The following MYO18A variants were observed in gnomAD, a reference collection of about 807,000 sequenced individuals.
MYO18A encodes the protein unconventional myosin-XVIIIa.
A neutral mutation model predicts 235.8 loss-of-function variants in MYO18A; 78 were observed. The observed-to-expected ratio is 0.33, with a 90% CI of 0.28 to 0.40. The LOEUF (loss-of-function observed/expected upper bound fraction) is 0.40, where lower values mean the gene tolerates loss of function less well. MYO18A is among the 10% of genes least tolerant of loss of function. MYO18A has a pLI of 1.00. For synonymous variants in MYO18A, 977 were observed against 1,077.8 expected (o/e 0.91, Z 1.83); for missense variants, 2,215 against 2,699.3 (o/e 0.82, Z 3.98).
At chr17:29,178,487 A>G (rs1422198649) in intron 1 of MYO18A, among the ~76,000 whole-genome samples, 1 of 143,650 alleles carries the variant, frequency 7.0e-6, no homozygotes, top group Non-Finnish European at 1.5e-5. Context: ...CCTGGAATTG[A>G]GGCCACAACC....
In MYO18A at chr17:29,110,665, G is replaced by A. The variant is rs576046432; in HGVS notation, c.2901-43C>T. On this transcript the variant is annotated intron_variant, in intron 17 of 41. Coordinates refer to ENST00000527372, the MANE Select transcript of MYO18A (RefSeq NM_078471.4). Reference sequence around the variant, plus strand: ...ATAAGGGAGGAAAAGCAGTCACATCGATGGAGCGGGAAAGGCCGCTCCTCC... The same window carrying A: ...ATAAGGGAGGAAAAGCAGTCACATCAATGGAGCGGGAAAGGCCGCTCCTCC... 2.6e-6 allele frequency: 4 copies of A among 1,563,490 alleles called. No homozygotes were observed. In the East Asian group the frequency reaches 6.8e-5, roughly 27 times the overall value.
chr17:29,138,258 G>A (rs1176973702), intron 2 of MYO18A, among the ~76,000 whole-genome samples: 4 of 152,152 alleles, frequency 2.6e-5, no homozygotes, highest in Admixed American at 2.6e-4. Context: ...AAGCCCCCGA[G>A]AGCAGCAGGT....
At chr17:29,104,073 G>A (rs2066721692) in intron 20 of MYO18A, among the ~76,000 whole-genome samples, 1 of 152,218 alleles carries the variant, frequency 6.6e-6, no homozygotes, top group African/African-American at 2.4e-5. Flanking sequence ...GAAACTCCAA[G>A]TCACTCACTG....
intron 2 of MYO18A, chr17:29,133,650 C>G: frequency 2.0e-6 from 1 of 487,984 alleles, no homozygotes; most frequent in Admixed American, 2.7e-5. Flanking sequence ...CAGCCCCCGT[C>G]ATTCTCCCTG....
At chr17:29,170,001 G>A (rs548913555) in intron 1 of MYO18A, among the ~76,000 whole-genome samples, 7 of 152,330 alleles carry the variant, frequency 4.6e-5, no homozygotes, top group Non-Finnish European at 1.0e-4. Flanking sequence ...CAGCACAAGG[G>A]ATGGCGCTGG....
chr17:29,094,134 G>T, intron 30 of MYO18A, 44 bp from the exon 31 acceptor site: 1 of 1,439,230 alleles, frequency 6.9e-7, no homozygotes. Context: ...CCCCAGCTGT[G>T]GCCACCCCCT....
chr17:29,080,039 T>TGGAGCTGCTCCTTCCGCTCCTTCGCC, intron 41 of MYO18A: 1 of 986,088 alleles, frequency 1.0e-6, no homozygotes, highest in Non-Finnish European at 1.2e-6. Context: ...GAGCTGGAGC[T>TGGAGCTGCTCCTTCCGCTCCTTCGCC]GGAGCTGCTC....
At chr17:29,080,754 G>A in intron 41 of MYO18A, 1 of 985,600 alleles carries the variant, frequency 1.0e-6, no homozygotes. Context: ...CGGTCCCCGA[G>A]CGGACGGAGC....
In MYO18A at chr17:29,166,576, G is replaced by C. The variant is rs758372597; in HGVS notation, c.365C>G (p.Ala122Gly). ...CTGCTTGGCCAGTGAGCCGAACTTG[G>C]CTGCCCGCTGCAGCACCGAGCCACG... ...SFRGSVLQRA[A>G]KFGSLAKQNS... Residue 122 changes from alanine (A) to glycine (G), a missense_variant, in exon 2 of 42, where the codon GCC becomes GGC. By Grantham distance (60) the Ala-to-Gly change is moderately conservative. Transcript: ENST00000527372. The C allele has an allele frequency of 6.2e-7, 1 of 1,613,800 alleles. No individual in the cohort carries two copies.
intron 21 of MYO18A, among the ~76,000 whole-genome samples, chr17:29,101,508 T>C (rs1328807453): frequency 6.6e-6 from 1 of 152,160 alleles, no homozygotes; most frequent in Non-Finnish European, 1.5e-5. Context: ...GGTTTCACCA[T>C]GTTGCCCAGG....
chr17:29,133,166 G>C (rs959519307), intron 2 of MYO18A, among the ~76,000 whole-genome samples: 1 of 152,170 alleles, frequency 6.6e-6, no homozygotes, highest in Non-Finnish European at 1.5e-5. Context: ...GAAAACACTG[G>C]GTGCCCCCCA....
chr17:29,085,872 C>T (rs772816229), intron 39 of MYO18A, among the ~76,000 whole-genome samples: 7 of 152,186 alleles, frequency 4.6e-5, no homozygotes, highest in Non-Finnish European at 7.4e-5. Flanking sequence ...AGGGTCCCTG[C>T]GCTGCCCCAG....
chr17:29,141,061 C>T (rs904115130), intron 2 of MYO18A, among the ~76,000 whole-genome samples: 1 of 152,266 alleles, frequency 6.6e-6, no homozygotes, highest in African/African-American at 2.4e-5. Flanking sequence ...GCCATCAGCA[C>T]ACAGGGGACA....
chr17:29,099,399 C>T (rs918740022), intron 22 of MYO18A, among the ~76,000 whole-genome samples: 3 of 152,156 alleles, frequency 2.0e-5, no homozygotes, highest in Non-Finnish European at 4.4e-5. Flanking sequence ...ATCCGGAGCC[C>T]ACCTTTGCCT....
chr17:29,118,370 C>A lies in MYO18A; in HGVS notation c.1893+7G>T. On this transcript the variant is annotated splice_region_variant and intron_variant, in intron 9 of 41. Coordinates refer to ENST00000527372, the MANE Select transcript of MYO18A (RefSeq NM_078471.4). This position sits in a 1 kb window ranked among gnomAD's most constrained non-coding sequence, Gnocchi z 4.2. ...GGCTGGCAACCCAGACCCCACAGAC[C>A]CCTCACCTTGGCCAGTGGCACAATC... The A allele has an allele frequency of 6.2e-7, 1 of 1,602,482 alleles. No homozygotes were observed.
Position 29,114,033 on chromosome 17 carries a change from T to G in MYO18A, c.2576A>C (p.Asp859Ala). The change falls in exon 15 of 42, where the codon GAC (aspartate) becomes GCC (alanine). Residue 859 changes from aspartate to alanine, a missense_variant. Transcript: ENST00000527372. The stretch of plus-strand genomic sequence containing the variant: ...TACCAGGGACTGATGGGAGGCCTGG[T>G]CCACAGCAGCCACAGAGTCATCCGT... ...PPTDDSVAAV[D>A]QASHQSLVRS... 6.2e-7 allele frequency: 1 copy of G among 1,600,532 alleles called. No homozygotes were observed. Among genetic ancestry groups the G allele is most frequent in the Non-Finnish European group, 8.5e-7 (1 of 1,174,012 alleles).
chr17:29,087,802 C>T (rs1029060518), intron 37 of MYO18A, among the ~76,000 whole-genome samples: 2 of 152,024 alleles, frequency 1.3e-5, no homozygotes, highest in African/African-American at 4.8e-5. Context: ...TGTTTAACAT[C>T]CTATGAGTCT....
At chr17:29,138,841 C>A (rs1185256584) in intron 2 of MYO18A, among the ~76,000 whole-genome samples, 1 of 152,144 alleles carries the variant, frequency 6.6e-6, no homozygotes, top group Non-Finnish European at 1.5e-5. Flanking sequence ...CCTCCATTTC[C>A]CCTGGTTCAC....
intron 1 of MYO18A, among the ~76,000 whole-genome samples, chr17:29,170,601 T>C (rs2068379499): frequency 6.6e-6 from 1 of 152,226 alleles, no homozygotes. Flanking sequence ...ATAATTTTCC[T>C]GACCTCCTTT....
Sources: gnomAD v4.1 joint callset for allele counts (sites outside exome capture counted in the v4.1 genomes callset) on GRCh38, gnomAD v4.1.1 for gene constraint, Gnocchi (gnomAD v3.1) non-coding constraint, MANE v1.5 for transcripts, NCBI Gene and HGNC (gene_info 2026-07-23, HGNC 2026-07-21) for gene names.